Variants in STAU1 observed in about 807,000 individuals in gnomAD.
The protein encoded by STAU1 is staufen double-stranded RNA binding protein 1.
STAU1 carries 13 observed loss-of-function variants against 62.9 expected under a neutral mutation model. The ratio of observed to expected loss-of-function variants is 0.21; its 90% CI spans 0.13 to 0.33. The LOEUF is 0.33. Among genes scored for constraint, STAU1 ranks in the 10% least tolerant of loss-of-function variants. STAU1 has a pLI of 1.00. For missense variants in STAU1, 571 were observed against 712.1 expected (o/e 0.80, Z 2.25); for synonymous variants, 269 against 265.1 (o/e 1.01, Z -0.14).
chr20:49,123,273 T>C, intron 7 of STAU1, 38 bp from the exon 8 acceptor site: 1 of 1,614,090 alleles, frequency 6.2e-7, no homozygotes, highest in Non-Finnish European at 8.5e-7. Context: ...GTAATGTTAT[T>C]CACCGCATGA....
At chr20:49,170,148 C>T (rs2093578436) in intron 2 of STAU1, among the ~76,000 whole-genome samples, 1 of 152,094 alleles carries the variant, frequency 6.6e-6, no homozygotes, top group East Asian at 1.9e-4. Context: ...CAGCAGTGAA[C>T]CTACCAAGAC....
At chr20:49,126,656 A>C (rs1480944707) in intron 6 of STAU1, among the ~76,000 whole-genome samples, 1 of 151,022 alleles carries the variant, frequency 6.6e-6, no homozygotes, top group Non-Finnish European at 1.5e-5. Flanking sequence ...GAAAAATAGA[A>C]GACTTACACT....
At chr20:49,162,306 G>A (rs2093460726) in intron 3 of STAU1, among the ~76,000 whole-genome samples, 1 of 152,182 alleles carries the variant, frequency 6.6e-6, no homozygotes, top group Non-Finnish European at 1.5e-5. Flanking sequence ...CCAGAGGACG[G>A]AAACAGTCTG....
chr20:49,117,328 C>T lies in STAU1; in HGVS notation c.1510-80G>A. The stretch of plus-strand genomic sequence containing the variant: ...TGGAGGGCTGCAGCTCCAGGCCCCA[C>T]AAGCAAGATCACCAGCTCTTTTTTC... On this transcript the variant is annotated intron_variant, in intron 11 of 13. Transcript: ENST00000371856. The surrounding 1 kb of genome is among the most constrained non-coding windows in gnomAD (Gnocchi z 4.6). 5 of 1,528,392 alleles carry T rather than the reference C, an allele frequency of 3.3e-6. No individual in the cohort carries two copies. In the South Asian group the frequency reaches 6.1e-5, roughly 19 times the overall value. The allele number at this position is 1,528,392 out of a possible 1,614,324, so 94.7% of individuals were successfully genotyped here.
rs1175512889 is a variant in STAU1, at chr20:49,117,085, AAC to A, written c.1632+39_1632+40del. 1.9e-6 allele frequency: 3 copies of A among 1,610,250 alleles called. No homozygotes were observed. Among genetic ancestry groups the A allele is most frequent in the Non-Finnish European group, 2.5e-6 (3 of 1,178,044 alleles). ...GCTGAACCAAGGCAGGCTCCACATA[AAC>A]ACACAACACCCCAATCCCTCACCCA... On this transcript the variant is annotated intron_variant, in intron 12 of 13. Transcript: ENST00000371856. This position sits in a 1 kb window ranked among gnomAD's most constrained non-coding sequence, Gnocchi z 4.6.
Position 49,118,409 on chromosome 20 carries a change from C to T in STAU1, c.1114-1G>A. On this transcript the variant is annotated splice_acceptor_variant, in intron 9 of 13. Transcript: ENST00000371856. LOFTEE classifies it high-confidence loss of function. ...CATCCCCTGGTTTCTTTATGGGTGT[C>T]TTAAAAAAGAAGAAGAAAAAAAAAA... 1.3e-6 allele frequency: 2 copies of T among 1,593,868 alleles called. No individual in the cohort carries two copies. Among genetic ancestry groups the T allele is most frequent in the Admixed American group, 3.5e-5 (2 of 57,136 alleles).
chr20:49,121,353 A>G lies in STAU1; in HGVS notation c.967-1225T>C, dbSNP rs371929753. Among the ~76,000 whole-genome samples the G allele has an allele frequency of 9.9e-5, 15 of 152,166 alleles. 1 individual carries two copies. Among genetic ancestry groups the G allele is most frequent in the South Asian group, 8.3e-4 (4 of 4,820 alleles). ...AACCTGGGAGGCAGAGGTTGCAGTG[A>G]GCCGAGATCACACCACTGCCCTGCA... is the stretch of plus-strand genomic sequence containing the variant. On this transcript the variant is annotated intron_variant, in intron 8 of 13. Coordinates refer to ENST00000371856, the MANE Select transcript of STAU1 (RefSeq NM_017453.4).
intron 6 of STAU1, chr20:49,134,535 T>C (rs779089051): frequency 8.8e-6 from 11 of 1,250,826 alleles, no homozygotes; most frequent in East Asian, 2.5e-5. Flanking sequence ...ATCGGAAACA[T>C]AGCACTGTTA....
At chr20:49,175,421 C>T (rs1408646548) in intron 1 of STAU1, among the ~76,000 whole-genome samples, 4 of 151,892 alleles carry the variant, frequency 2.6e-5, no homozygotes, top group Admixed American at 6.6e-5. Flanking sequence ...TTTCCTTTTC[C>T]AGTCCCAATT....
At chr20:49,129,551 T>G (rs938425323) in intron 6 of STAU1, among the ~76,000 whole-genome samples, 4 of 151,416 alleles carry the variant, frequency 2.6e-5, no homozygotes, top group African/African-American at 7.3e-5. Context: ...TTGGAGAGGA[T>G]GTAGAGCAAC....
chr20:49,160,156 AAAGT>A (rs2093426295), intron 3 of STAU1, among the ~76,000 whole-genome samples: 1 of 152,200 alleles, frequency 6.6e-6, no homozygotes, highest in Non-Finnish European at 1.5e-5. Context: ...CGACAACAAA[AAAGT>A]AGTAACTTGC....
At chr20:49,139,347 A>AAT (rs2092957530) in intron 5 of STAU1, among the ~76,000 whole-genome samples, 1 of 152,232 alleles carries the variant, frequency 6.6e-6, no homozygotes, top group South Asian at 2.1e-4. Flanking sequence ...TAATATCCAG[A>AAT]ATATATAAAG....
intron 3 of STAU1, among the ~76,000 whole-genome samples, chr20:49,155,153 G>A (rs1162423281): frequency 6.6e-6 from 1 of 151,970 alleles, no homozygotes; most frequent in Non-Finnish European, 1.5e-5. Flanking sequence ...CACTCAAAGA[G>A]TTACAATACA....
intron 5 of STAU1, among the ~76,000 whole-genome samples, chr20:49,142,478 T>C (rs1026611556): frequency 2.6e-5 from 4 of 152,180 alleles, no homozygotes; most frequent in Non-Finnish European, 5.9e-5. Context: ...GTAAGACTGA[T>C]AGAAAACAAT....
intron 6 of STAU1, among the ~76,000 whole-genome samples, chr20:49,128,083 A>G (rs2092671067): frequency 6.6e-6 from 1 of 151,356 alleles, no homozygotes; most frequent in African/African-American, 2.4e-5. Flanking sequence ...CAGGAGGCAG[A>G]GGTTGCGGTA....
At chr20:49,157,363 G>A (rs1175792214) in intron 3 of STAU1, among the ~76,000 whole-genome samples, 2 of 152,028 alleles carry the variant, frequency 1.3e-5, no homozygotes, top group Non-Finnish European at 2.9e-5. Flanking sequence ...CTGCTGTCCA[G>A]GCTGGAGCTC....
chr20:49,165,625 G>C (rs574002191), intron 3 of STAU1, among the ~76,000 whole-genome samples: 1 of 152,150 alleles, frequency 6.6e-6, no homozygotes, highest in Non-Finnish European at 1.5e-5. Flanking sequence ...CGTGAGCCAC[G>C]GCACCTGGCT....
At chr20:49,131,474 G>A (rs1163821142) in intron 6 of STAU1, among the ~76,000 whole-genome samples, 28 of 151,968 alleles carry the variant, frequency 1.8e-4, no homozygotes, top group Admixed American at 1.8e-3. Context: ...GGAGTTAAAG[G>A]GTATGATATC....
intron 1 of STAU1, among the ~76,000 whole-genome samples, chr20:49,176,982 G>A (rs958563141): frequency 4.4e-4 from 65 of 148,886 alleles, no homozygotes; most frequent in Admixed American, 2.2e-3. Context: ...CGTGATCTCC[G>A]CTCACTGCAA....
Sources: gnomAD v4.1 joint callset for allele counts (sites outside exome capture counted in the v4.1 genomes callset) on GRCh38, gnomAD v4.1.1 for gene constraint, Gnocchi (gnomAD v3.1) non-coding constraint, MANE v1.5 for transcripts, NCBI Gene and HGNC (gene_info 2026-07-23, HGNC 2026-07-21) for gene names.